ITCH: variants seen among roughly 807,000 people sequenced by gnomAD.
ITCH encodes E3 ubiquitin-protein ligase Itchy homolog.
ITCH carries 28 observed loss-of-function variants against 126.8 expected under a neutral mutation model. The observed-to-expected ratio is 0.22, with a 90% CI of 0.16 to 0.30. ITCH has a LOEUF of 0.30. ITCH is among the 10% of genes least tolerant of loss of function. ITCH has a pLI of 1.00. For missense variants in ITCH, 631 were observed against 1,032.4 expected, an observed-to-expected ratio of 0.61 and a Z score of 5.33; for synonymous variants, 342 against 340.0, an observed-to-expected ratio of 1.01 and a Z score of -0.06.
chr20:34,504,466 G>C (rs1990492697), intron 24 of ITCH, 63 bp downstream of exon 24: 1 of 1,053,050 alleles, frequency 9.5e-7, no homozygotes, highest in African/African-American at 1.6e-5. Context: ...GCTATTTAAA[G>C]CCAGCTAGAA....
intron 23 of ITCH, among the ~76,000 whole-genome samples, chr20:34,501,407 T>C (rs1034887244): frequency 6.6e-6 from 1 of 152,216 alleles, no homozygotes; most frequent in Non-Finnish European, 1.5e-5. Context: ...TTAGAAGATA[T>C]ACCTAAGAAG....
intron 3 of ITCH, among the ~76,000 whole-genome samples, chr20:34,404,194 G>T (rs971345999): frequency 6.6e-6 from 1 of 151,872 alleles, no homozygotes. Flanking sequence ...TTTTTCTTCC[G>T]GTTTATAATG....
chr20:34,437,866 C>G (rs1281135786), intron 7 of ITCH, among the ~76,000 whole-genome samples: 1 of 152,196 alleles, frequency 6.6e-6, no homozygotes, highest in Non-Finnish European at 1.5e-5. Flanking sequence ...TCCCTCCTTT[C>G]TATCCCTCCA....
intron 9 of ITCH, among the ~76,000 whole-genome samples, chr20:34,441,319 C>T (rs1983720721): frequency 6.6e-6 from 1 of 152,108 alleles, no homozygotes; most frequent in Admixed American, 6.5e-5. Flanking sequence ...ATTCAGAAAA[C>T]TGAGAAAATT....
intron 2 of ITCH, among the ~76,000 whole-genome samples, chr20:34,389,657 G>T (rs1182120150): frequency 6.6e-6 from 1 of 152,138 alleles, no homozygotes; most frequent in African/African-American, 2.4e-5. Context: ...TGAGATAGTA[G>T]ATCCCTACAA....
chr20:34,492,648 C>T (rs943493602), intron 23 of ITCH, 51 bp downstream of exon 23: 2 of 1,175,160 alleles, frequency 1.7e-6, no homozygotes, highest in South Asian at 1.2e-5. Context: ...TATCATGCTG[C>T]TTTACGTAAA....
At chr20:34,501,777 C>CAAA (rs11480340) in intron 23 of ITCH, among the ~76,000 whole-genome samples, 12 of 104,528 alleles carry the variant, frequency 1.1e-4, no homozygotes, top group East Asian at 3.0e-4. Flanking sequence ...CTCCATCTCT[C>CAAA]AAAAAAAAAA....
chr20:34,508,853 G>A lies in ITCH; in HGVS notation c.*1059G>A, dbSNP rs554884974. ...AAGGAGTTTAAGACTAGAAAGACTAGAGTGCTTTCTAGTCCAAATAGAGGT... is the reference window on the plus strand; with the variant it reads ...AAGGAGTTTAAGACTAGAAAGACTAAAGTGCTTTCTAGTCCAAATAGAGGT... On this transcript the variant is annotated 3_prime_UTR_variant, in exon 25 of 25. Transcript: ENST00000374864. The A allele has an allele frequency of 2.0e-5, 3 of 152,220 alleles. No individual in the cohort carries two copies. The highest frequency in any genetic ancestry group is 7.2e-5 in the African/African-American group (3 of 41,518). The allele number at this position is 152,220 out of a possible 1,614,324, so 9.4% of individuals were successfully genotyped here.
intron 16 of ITCH, 26 bp downstream of exon 16, chr20:34,471,541 T>TC (rs1218973312): frequency 7.7e-6 from 11 of 1,430,408 alleles, no homozygotes; most frequent in African/African-American, 2.8e-5. Flanking sequence ...CTCAATAATT[T>TC]CCCCCCTGGC....
chr20:34,415,026 T>C (rs1196919193), intron 6 of ITCH, among the ~76,000 whole-genome samples: 8 of 152,214 alleles, frequency 5.3e-5, no homozygotes, highest in Admixed American at 5.2e-4. Context: ...CCTACTGTTT[T>C]CCCATCAGAT....
intron 14 of ITCH, among the ~76,000 whole-genome samples, chr20:34,467,943 G>A (rs961952508): frequency 3.3e-5 from 5 of 151,744 alleles, no homozygotes; most frequent in African/African-American, 9.7e-5. Flanking sequence ...AACAAAATTG[G>A]TTAAAGGAGA....
chr20:34,487,796 A>G (rs1388390450), intron 20 of ITCH, among the ~76,000 whole-genome samples: 1 of 152,086 alleles, frequency 6.6e-6, no homozygotes, highest in Non-Finnish European at 1.5e-5. Flanking sequence ...AAAATCAACT[A>G]GGCATGGTGG....
At chr20:34,468,457 A>G (rs976282444) in intron 14 of ITCH, among the ~76,000 whole-genome samples, 5 of 152,246 alleles carry the variant, frequency 3.3e-5, no homozygotes, top group African/African-American at 1.2e-4. Context: ...ACTTCATTCA[A>G]CATTGTGTCA....
intron 3 of ITCH, among the ~76,000 whole-genome samples, chr20:34,396,052 G>A (rs2038664183): frequency 6.8e-6 from 1 of 146,554 alleles, no homozygotes; most frequent in South Asian, 2.1e-4. Context: ...TTTTTTTTTG[G>A]AGACAGAGTT....
intron 1 of ITCH, among the ~76,000 whole-genome samples, chr20:34,364,891 A>T (rs1304351654): frequency 1.3e-5 from 1 of 77,820 alleles, no homozygotes; most frequent in Admixed American, 1.0e-4. Context: ...ACTCCGCCTC[A>T]AAAAAAAAAA....
intron 6 of ITCH, among the ~76,000 whole-genome samples, chr20:34,422,322 G>A (rs1330212031): frequency 6.6e-6 from 1 of 152,294 alleles, no homozygotes; most frequent in East Asian, 1.9e-4. Context: ...CTTTGTCACT[G>A]TAGTGAGAAG....
chr20:34,496,728 A>AGGAGGC (rs1989907412), intron 23 of ITCH, among the ~76,000 whole-genome samples: 1 of 149,822 alleles, frequency 6.7e-6, no homozygotes, highest in Non-Finnish European at 1.5e-5. Context: ...ACTTGAACCC[A>AGGAGGC]GGAGGCGGAG....
intron 2 of ITCH, among the ~76,000 whole-genome samples, chr20:34,376,868 GAC>G (rs1478645101): frequency 3.9e-5 from 6 of 152,108 alleles, no homozygotes; most frequent in African/African-American, 1.4e-4. Context: ...TTGTATAAGA[GAC>G]AAAAGGTTGC....
At chr20:34,427,723 T>C (rs1199931710) in intron 7 of ITCH, among the ~76,000 whole-genome samples, 1 of 152,224 alleles carries the variant, frequency 6.6e-6, no homozygotes, top group African/African-American at 2.4e-5. Context: ...GTAGAAGATT[T>C]CTTGAATTCC....
Sources: allele counts gnomAD v4.1 joint callset (sites outside exome capture counted in the v4.1 genomes callset), GRCh38; gene constraint gnomAD v4.1.1; transcripts MANE v1.5; gene names NCBI Gene and HGNC (gene_info 2026-07-23, HGNC 2026-07-21).